ASIC2: variants seen among roughly 807,000 people sequenced by gnomAD.
ASIC2 encodes acid-sensing ion channel 2.
In ASIC2, 25 loss-of-function variants were observed where a neutral mutation model predicts 57.3. The ratio of observed to expected loss-of-function variants is 0.44; its 90% CI spans 0.32 to 0.61. The LOEUF (loss-of-function observed/expected upper bound fraction) is 0.61, where lower values mean the gene tolerates loss of function less well. Among genes scored for constraint, ASIC2 ranks in the 20% least tolerant of loss-of-function variants. The pLI, the probability that ASIC2 is intolerant of heterozygous loss-of-function variation, is 0.06. For missense variants in ASIC2, 641 were observed against 738.1 expected, an observed-to-expected ratio of 0.87 and a Z score of 1.52; for synonymous variants, 319 against 307.5, an observed-to-expected ratio of 1.04 and a Z score of -0.39.
At chr17:33,736,787 A>G (rs1404779961) in intron 1 of ASIC2, among the ~76,000 whole-genome samples, 2 of 147,842 alleles carry the variant, frequency 1.4e-5, no homozygotes, top group East Asian at 3.9e-4. Flanking sequence ...AAACATGTAC[A>G]ACTGTGCCCC....
intron 3 of ASIC2, among the ~76,000 whole-genome samples, chr17:33,085,172 G>T (rs1447467970): frequency 6.6e-6 from 1 of 152,062 alleles, no homozygotes; most frequent in Non-Finnish European, 1.5e-5. Flanking sequence ...CCTACGACTT[G>T]TCCCCATGGC....
At chr17:33,245,314 G>A (rs1908651776) in intron 1 of ASIC2, among the ~76,000 whole-genome samples, 1 of 152,182 alleles carries the variant, frequency 6.6e-6, no homozygotes, top group African/African-American at 2.4e-5. Context: ...GGAGTCCAGA[G>A]GAGGCTGCTA....
chr17:33,078,168 T>C (rs1202176098), intron 3 of ASIC2, among the ~76,000 whole-genome samples: 2 of 152,116 alleles, frequency 1.3e-5, no homozygotes, highest in Non-Finnish European at 2.9e-5. Context: ...TCCTTTCTTC[T>C]GCCTGGGTCC....
intron 1 of ASIC2, among the ~76,000 whole-genome samples, chr17:33,288,978 G>T (rs7221886): frequency 0.5 from 76,184 of 151,888 alleles, 19,316 homozygotes; most frequent in East Asian, 0.76. Context: ...TGTGGTTAGA[G>T]GAAAATATTC....
chr17:33,694,847 T>C (rs16968745), intron 1 of ASIC2, among the ~76,000 whole-genome samples: 20,573 of 152,108 alleles, frequency 0.14, 1,454 homozygotes, highest in African/African-American at 0.16. Flanking sequence ...CCATGCAGCT[T>C]TTCCTCCAAG....
At chr17:33,330,882 G>T (rs943981876) in intron 1 of ASIC2, among the ~76,000 whole-genome samples, 1 of 152,090 alleles carries the variant, frequency 6.6e-6, no homozygotes, top group African/African-American at 2.4e-5. Flanking sequence ...GGGTTTGCAG[G>T]CAGTTCAGGA....
At chr17:33,460,478 T>C (rs9914228) in intron 1 of ASIC2, among the ~76,000 whole-genome samples, 37,038 of 152,144 alleles carry the variant, frequency 0.24, 4,606 homozygotes, top group African/African-American at 0.27. Context: ...GGGCTGGCTC[T>C]GCCATGACAA....
intron 1 of ASIC2, among the ~76,000 whole-genome samples, chr17:33,232,508 T>TGGTATGGTAC: frequency 7.0e-6 from 1 of 142,728 alleles, no homozygotes; most frequent in Non-Finnish European, 1.6e-5. Flanking sequence ...CGGTATGGTA[T>TGGTATGGTAC]GGTATGGCAG....
In ASIC2 at chr17:33,019,684, G is replaced by T. The variant is rs1000488366; in HGVS notation, c.1441+1535C>A. ...ACAGGAGGTCCAGATGGCAGCATGAGCTCCTCAGCCGGCTATTCTGGATGG... is the reference window on the plus strand; with the variant it reads ...ACAGGAGGTCCAGATGGCAGCATGATCTCCTCAGCCGGCTATTCTGGATGG... On this transcript the variant is annotated intron_variant, in intron 7 of 9. Coordinates refer to ENST00000225823, the MANE Select transcript of ASIC2 (RefSeq NM_183377.2). 6.6e-5 allele frequency among the ~76,000 whole-genome samples: 10 copies of T among 152,210 alleles called. No homozygotes were observed. The East Asian group carries it at 1.5e-3, about 24-fold the overall frequency.
intron 1 of ASIC2, among the ~76,000 whole-genome samples, chr17:33,731,770 A>T (rs921553470): frequency 2.0e-5 from 3 of 152,204 alleles, no homozygotes; most frequent in Admixed American, 2.0e-4. Flanking sequence ...AATCCTGGAT[A>T]GCTGGATGCA....
chr17:33,055,280 G>A (rs9889926), intron 3 of ASIC2, among the ~76,000 whole-genome samples: 28,144 of 152,110 alleles, frequency 0.19, 2,700 homozygotes, highest in Non-Finnish European at 0.2. Flanking sequence ...CCCACTCAGT[G>A]CTGGCCACCC....
chr17:33,270,396 T>C (rs1158482959), intron 1 of ASIC2, among the ~76,000 whole-genome samples: 1 of 152,150 alleles, frequency 6.6e-6, no homozygotes. Flanking sequence ...CTGCACCCCC[T>C]TCTATCCTCT....
chr17:33,985,102 G>A (rs567851602), intron 1 of ASIC2, among the ~76,000 whole-genome samples: 1 of 152,296 alleles, frequency 6.6e-6, no homozygotes, highest in South Asian at 2.1e-4. Context: ...CAGGTGTCAA[G>A]AGAATTTTAA....
chr17:33,223,164 TTTTTTCTTTCTTTCTTTTC>T, intron 1 of ASIC2, among the ~76,000 whole-genome samples: 1 of 152,146 alleles, frequency 6.6e-6, no homozygotes, highest in Non-Finnish European at 1.5e-5. Flanking sequence ...CCTTTTCTTT[TTTTTTCTTTCTTTCTTTTC>T]TTTTTCTTTT....
At position 33,950,467 on chromosome 17, in the gene ASIC2, A is replaced by G. The variant is rs1904523728; in HGVS notation, c.555+205511T>C. Among the ~76,000 whole-genome samples, 4 of 152,370 alleles carry G rather than the reference A, an allele frequency of 2.6e-5. No individual in the cohort carries two copies. In the South Asian group the frequency reaches 8.3e-4, roughly 32 times the overall value. On this transcript the variant is annotated intron_variant, in intron 1 of 9. Coordinates refer to the ASIC2 transcript ENST00000359872. ...CCTGTCACTGGAAAAGTAATAAAGC[A>G]ATAGAGAAGTGAGTTATAAAAAACC...
intron 1 of ASIC2, among the ~76,000 whole-genome samples, chr17:33,578,952 C>T (rs1016499448): frequency 1.3e-5 from 2 of 152,250 alleles, no homozygotes; most frequent in Middle Eastern, 3.4e-3. Flanking sequence ...CTGCTGCATC[C>T]TCACCTGGTC....
intron 1 of ASIC2, among the ~76,000 whole-genome samples, chr17:33,276,608 C>T (rs146438655): frequency 6.6e-6 from 1 of 152,346 alleles, no homozygotes; most frequent in African/African-American, 2.4e-5. Context: ...CTCATCCTCG[C>T]AGGAACTAAC....
chr17:33,071,394 A>C (rs2092068493), intron 3 of ASIC2, among the ~76,000 whole-genome samples: 1 of 152,196 alleles, frequency 6.6e-6, no homozygotes, highest in Non-Finnish European at 1.5e-5. Context: ...TTAAAATCAA[A>C]GCCATTGTAG....
chr17:33,058,136 C>T (rs1284363460), intron 3 of ASIC2, among the ~76,000 whole-genome samples: 1 of 152,100 alleles, frequency 6.6e-6, no homozygotes, highest in Non-Finnish European at 1.5e-5. Context: ...TTAATTTTGA[C>T]CAGGAGATAA....
Sources: allele counts gnomAD v4.1 joint callset (sites outside exome capture counted in the v4.1 genomes callset), GRCh38; gene constraint gnomAD v4.1.1; transcripts MANE v1.5; gene names NCBI Gene and HGNC (gene_info 2026-07-23, HGNC 2026-07-21).